The following NRG1 variants were observed in gnomAD, a reference collection of about 807,000 sequenced individuals.
NRG1 encodes the protein neuregulin 1, also known as pro-neuregulin-1, membrane-bound isoform.
In NRG1, 18 loss-of-function variants were observed where a neutral mutation model predicts 63.8. The ratio of observed to expected loss-of-function variants is 0.28; its 90% CI spans 0.19 to 0.42. NRG1 has a LOEUF of 0.42. Ranked by LOEUF, NRG1 falls within the 10% of genes least tolerant of loss-of-function variation. The probability of loss-of-function intolerance (pLI) is 1.00; values close to 1 mark genes in which losing one functional copy is unlikely to be tolerated. For synonymous variants in NRG1, 302 were observed against 301.3 expected (o/e 1.00, Z -0.02); for missense variants, 762 against 814.7 (o/e 0.94, Z 0.79).
chr8:32,056,407 T>G (rs1225755958), intron 1 of NRG1, among the ~76,000 whole-genome samples: 1 of 152,212 alleles, frequency 6.6e-6, no homozygotes, highest in Non-Finnish European at 1.5e-5. Context: ...TTTCTGCCTT[T>G]CCTTTTTCTT....
chr8:32,105,845 T>C (rs1831192194), intron 1 of NRG1, among the ~76,000 whole-genome samples: 1 of 152,324 alleles, frequency 6.6e-6, no homozygotes, highest in African/African-American at 2.4e-5. Context: ...AGTGATGGGA[T>C]ATCATAAAAC....
chr8:31,704,830 T>TAAAAA (rs373101607), intron 1 of NRG1, among the ~76,000 whole-genome samples: 2 of 118,846 alleles, frequency 1.7e-5, no homozygotes, highest in African/African-American at 3.2e-5. Flanking sequence ...AGACTCCGTC[T>TAAAAA]AAAAAAAAAA....
At position 31,640,466 on chromosome 8, in the gene NRG1, T is replaced by G; in HGVS notation, c.37+1035T>G. The G allele has an allele frequency of 3.8e-6, 6 of 1,584,548 alleles. No individual in the cohort carries two copies. The highest frequency in any genetic ancestry group is 5.1e-6 in the Non-Finnish European group (6 of 1,166,844). ...GAGCCCGGGGAGGAGGCGCCCTATC[T>G]GGTGAAGGTGCACCAGGTGTGGGCG... is the stretch of plus-strand genomic sequence containing the variant. On this transcript the variant is annotated intron_variant, in intron 1 of 10. Transcript: ENST00000519301. The surrounding 1 kb of genome is among the most constrained non-coding windows in gnomAD (Gnocchi z 6.3).
At chr8:32,752,921 G>T (rs1211478330) in intron 7 of NRG1, among the ~76,000 whole-genome samples, 1 of 152,146 alleles carries the variant, frequency 6.6e-6, no homozygotes, top group Non-Finnish European at 1.5e-5. Context: ...GGCTCGGCTT[G>T]TAGGAAATGT....
chr8:32,752,500 C>T (rs2129050912), intron 7 of NRG1, among the ~76,000 whole-genome samples: 1 of 152,322 alleles, frequency 6.6e-6, no homozygotes, highest in African/African-American at 2.4e-5. Flanking sequence ...CTAATTGTGG[C>T]TTCCACATGA....
intron 1 of NRG1, among the ~76,000 whole-genome samples, chr8:32,541,152 T>C (rs1351582968): frequency 6.6e-6 from 1 of 152,090 alleles, no homozygotes; most frequent in Non-Finnish European, 1.5e-5. Flanking sequence ...GGGGTGGAGA[T>C]GACTGTAACA....
At chr8:32,514,301 G>GTA (rs1829564399) in intron 1 of NRG1, among the ~76,000 whole-genome samples, 1 of 151,252 alleles carries the variant, frequency 6.6e-6, no homozygotes, top group Non-Finnish European at 1.5e-5. Flanking sequence ...ATATATATAT[G>GTA]TATATATATT....
At chr8:31,962,593 T>C (rs151327172) in intron 1 of NRG1, among the ~76,000 whole-genome samples, 114 of 152,318 alleles carry the variant, frequency 7.5e-4, no homozygotes, top group Admixed American at 1.1e-3. Flanking sequence ...GAGTTTTCTA[T>C]ATTTTCAAAA....
chr8:32,456,084 T>C (rs1821560700), intron 1 of NRG1, among the ~76,000 whole-genome samples: 1 of 152,232 alleles, frequency 6.6e-6, no homozygotes, highest in African/African-American at 2.4e-5. Context: ...TTTTTACTAA[T>C]TGTTTCATTG....
chr8:31,640,617 C>T lies in NRG1; in HGVS notation c.37+1186C>T, dbSNP rs376765132. The T allele has an allele frequency of 6.5e-5, 104 of 1,611,688 alleles. 5 individuals carry two copies. Among genetic ancestry groups the T allele is most frequent in the Admixed American group, 2.8e-4 (17 of 59,986 alleles). ...GCAGGTACATCTTCTTCATGGAGCCCGACGCCAACAGCACCAGCCGCGCGC... is the reference window on the plus strand; with the variant it reads ...GCAGGTACATCTTCTTCATGGAGCCTGACGCCAACAGCACCAGCCGCGCGC... On this transcript the variant is annotated intron_variant, in intron 1 of 10. Coordinates refer to the NRG1 transcript ENST00000519301. This position sits in a 1 kb window ranked among gnomAD's most constrained non-coding sequence, Gnocchi z 6.3.
chr8:32,099,239 T>C (rs1563785043), intron 1 of NRG1, among the ~76,000 whole-genome samples: 1 of 152,214 alleles, frequency 6.6e-6, no homozygotes, highest in Non-Finnish European at 1.5e-5. Flanking sequence ...TTCTATTGTC[T>C]GAGGGTCTGA....
intron 1 of NRG1, among the ~76,000 whole-genome samples, chr8:32,395,665 T>G (rs1360736446): frequency 6.6e-6 from 1 of 152,018 alleles, no homozygotes; most frequent in Non-Finnish European, 1.5e-5. Context: ...AGTTTACAAG[T>G]GTGTTTTCCC....
chr8:32,137,608 A>G (rs1227224409), intron 1 of NRG1, among the ~76,000 whole-genome samples: 2 of 152,120 alleles, frequency 1.3e-5, no homozygotes, highest in African/African-American at 2.4e-5. Flanking sequence ...TGCTTCTTCT[A>G]TAGACAGTTG....
intron 1 of NRG1, chr8:32,221,048 T>C (rs957492642): frequency 2.6e-5 from 4 of 152,338 alleles, no homozygotes; most frequent in African/African-American, 9.6e-5. Context: ...CGGCTGTCAA[T>C]TCTTCTACGG....
chr8:32,549,373 A>C (rs945196260), intron 1 of NRG1, among the ~76,000 whole-genome samples: 13 of 152,198 alleles, frequency 8.5e-5, no homozygotes, highest in Non-Finnish European at 1.6e-4. Context: ...AGCGATGTAG[A>C]GTGCGCGCCG....
chr8:32,747,870 A>G (rs4733372), intron 7 of NRG1, among the ~76,000 whole-genome samples: 19,183 of 151,612 alleles, frequency 0.13, 1,558 homozygotes, highest in East Asian at 0.36. Context: ...AATACAGTAA[A>G]TGGCCCAGGG....
rs549941768 is a variant in NRG1, at chr8:31,989,744, C to T, written c.37+350313C>T. 2.0e-5 allele frequency among the ~76,000 whole-genome samples: 3 copies of T among 152,258 alleles called. No homozygotes were observed. In the South Asian group the frequency reaches 6.2e-4, roughly 32 times the overall value. Reference sequence around the variant, plus strand: ...CTTTTAGGACTTTTGTGAACCCTTTCTCTTTGATACATTACCTTTGGCAAT... The same window carrying T: ...CTTTTAGGACTTTTGTGAACCCTTTTTCTTTGATACATTACCTTTGGCAAT... On this transcript the variant is annotated intron_variant, in intron 1 of 10. Coordinates refer to the NRG1 transcript ENST00000519301.
At chr8:32,562,087 A>T (rs1391360155) in intron 1 of NRG1, among the ~76,000 whole-genome samples, 2 of 152,140 alleles carry the variant, frequency 1.3e-5, no homozygotes, top group Non-Finnish European at 2.9e-5. Flanking sequence ...CCTCAGGAAG[A>T]CACAGATCCT....
intron 1 of NRG1, among the ~76,000 whole-genome samples, chr8:32,407,312 ATATATAT>A (rs1411967705): frequency 0.26 from 1,441 of 5,590 alleles, 85 homozygotes; most frequent in South Asian, 0.34. Flanking sequence ...ATATATATAT[ATATATAT>A]TATATATATA....
Sources: allele counts gnomAD v4.1 joint callset (sites outside exome capture counted in the v4.1 genomes callset), GRCh38; gene constraint gnomAD v4.1.1; non-coding constraint Gnocchi (gnomAD v3.1); transcripts MANE v1.5; gene names NCBI Gene and HGNC (gene_info 2026-07-23, HGNC 2026-07-21).